KLF12: variants seen among roughly 807,000 people sequenced by gnomAD.
KLF12 encodes the protein Krueppel-like factor 12.
KLF12 carries 9 observed loss-of-function variants against 37.8 expected under a neutral mutation model. The observed-to-expected ratio is 0.24, with a 90% CI of 0.14 to 0.42. KLF12 has a LOEUF of 0.42. Ranked by LOEUF, KLF12 falls within the 10% of genes least tolerant of loss-of-function variation. The pLI is 1.00. For synonymous variants in KLF12, 208 were observed against 202.1 expected (o/e 1.03, Z -0.25); for missense variants, 411 against 516.0 (o/e 0.80, Z 1.97).
At chr13:73,832,240 C>T (rs748451562) in intron 4 of KLF12, among the ~76,000 whole-genome samples, 11 of 152,282 alleles carry the variant, frequency 7.2e-5, no homozygotes, top group Non-Finnish European at 1.3e-4. Flanking sequence ...ATTATTTACT[C>T]TTTTCCTGGT....
intron 1 of KLF12, among the ~76,000 whole-genome samples, chr13:74,071,990 T>C (rs552540601): frequency 6.6e-6 from 1 of 151,896 alleles, no homozygotes; most frequent in Non-Finnish European, 1.5e-5. Flanking sequence ...CCTGAACAAC[T>C]GGACAATCTA....
At chr13:73,988,126 A>T (rs1228247685) in intron 2 of KLF12, among the ~76,000 whole-genome samples, 1 of 152,250 alleles carries the variant, frequency 6.6e-6, no homozygotes, top group Non-Finnish European at 1.5e-5. Flanking sequence ...ATCATTGATT[A>T]TCACACATTT....
the KLF12 span, among the ~76,000 whole-genome samples, chr13:74,294,716 G>T: frequency 6.6e-6 from 1 of 152,002 alleles, no homozygotes; most frequent in Non-Finnish European, 1.5e-5. Context: ...TTGTTCTGAG[G>T]TATATTCACA....
At chr13:73,889,901 T>G (rs528700917) in intron 3 of KLF12, among the ~76,000 whole-genome samples, 1 of 152,238 alleles carries the variant, frequency 6.6e-6, no homozygotes, top group African/African-American at 2.4e-5. Context: ...ACAAAGTAGT[T>G]CTGCATTTTT....
intron 4 of KLF12, among the ~76,000 whole-genome samples, chr13:73,845,591 G>A (rs963080604): frequency 2.0e-5 from 3 of 152,112 alleles, no homozygotes; most frequent in African/African-American, 7.2e-5. Context: ...CTAACATTAC[G>A]TGACCTATGG....
intron 6 of KLF12, among the ~76,000 whole-genome samples, chr13:73,747,198 C>CTAAG (rs1273779166): frequency 3.9e-5 from 6 of 152,020 alleles, no homozygotes; most frequent in African/African-American, 1.4e-4. Context: ...GACTTATAGT[C>CTAAG]TAAGAGAGGC....
chr13:73,800,429 G>GA (rs1882224319), intron 5 of KLF12: 1 of 152,034 alleles, frequency 6.6e-6, no homozygotes, highest in Non-Finnish European at 1.5e-5. Flanking sequence ...AATTAGATTA[G>GA]AAAAACAGAT....
At chr13:74,030,603 A>G (rs1348179599) in intron 1 of KLF12, among the ~76,000 whole-genome samples, 3 of 152,114 alleles carry the variant, frequency 2.0e-5, no homozygotes, top group Non-Finnish European at 4.4e-5. Flanking sequence ...CCCCCATCCA[A>G]GAGAAAATAA....
rs1030579166 is a variant in KLF12, at chr13:73,988,325, T to C, written c.33+6665A>G. Among the ~76,000 whole-genome samples the C allele has an allele frequency of 3.3e-5, 5 of 152,270 alleles. 1 individual carries two copies. In the East Asian group the frequency reaches 9.6e-4, roughly 29 times the overall value. Reference sequence around the variant, plus strand: ...AATGTGAAGCCTTCCAGAACCCACATCCCAATTCCCTGGCTCTAATAAATA... The same window carrying C: ...AATGTGAAGCCTTCCAGAACCCACACCCCAATTCCCTGGCTCTAATAAATA... On this transcript the variant is annotated intron_variant, in intron 2 of 7. Coordinates refer to ENST00000377669, the MANE Select transcript of KLF12 (RefSeq NM_007249.5).
At chr13:74,047,859 G>C (rs1295647863) in intron 1 of KLF12, among the ~76,000 whole-genome samples, 1 of 152,154 alleles carries the variant, frequency 6.6e-6, no homozygotes, top group African/African-American at 2.4e-5. Flanking sequence ...TTTAAGATTA[G>C]GTTTGGCTGC....
chr13:73,841,868 A>G (rs4516090), intron 4 of KLF12, among the ~76,000 whole-genome samples: 62,954 of 151,900 alleles, frequency 0.41, 13,569 homozygotes, highest in Non-Finnish European at 0.49. Flanking sequence ...TCCTTGGGAG[A>G]CGTTTCCTGA....
At chr13:73,864,978 G>A (rs1233363630) in intron 3 of KLF12, among the ~76,000 whole-genome samples, 1 of 151,986 alleles carries the variant, frequency 6.6e-6, no homozygotes, top group Non-Finnish European at 1.5e-5. Flanking sequence ...CAGGTATAAG[G>A]AAGTCTGACA....
At chr13:73,840,789 C>T (rs1240642677) in intron 4 of KLF12, among the ~76,000 whole-genome samples, 5 of 152,108 alleles carry the variant, frequency 3.3e-5, no homozygotes, top group African/African-American at 1.2e-4. Flanking sequence ...TACAGCATTG[C>T]CTTGAGAACC....
the KLF12 span, among the ~76,000 whole-genome samples, chr13:74,302,034 T>C: frequency 1.3e-5 from 2 of 152,142 alleles, no homozygotes; most frequent in East Asian, 1.9e-4. Flanking sequence ...AAAAGATCTA[T>C]CTGTGAAGGA....
At chr13:73,730,903 A>G (rs1263748001) in intron 6 of KLF12, among the ~76,000 whole-genome samples, 1 of 152,162 alleles carries the variant, frequency 6.6e-6, no homozygotes, top group Non-Finnish European at 1.5e-5. Context: ...TTCAATGTGT[A>G]GGTCCTGGAA....
At chr13:73,742,175 G>A (rs890963826) in intron 6 of KLF12, among the ~76,000 whole-genome samples, 2 of 152,044 alleles carry the variant, frequency 1.3e-5, no homozygotes, top group Non-Finnish European at 2.9e-5. Context: ...AAAAGCAAAG[G>A]GCAGCGCTTA....
At chr13:73,829,638 C>T (rs914099226) in intron 4 of KLF12, among the ~76,000 whole-genome samples, 2 of 152,154 alleles carry the variant, frequency 1.3e-5, no homozygotes, top group African/African-American at 4.8e-5. Flanking sequence ...CAGATGGACA[C>T]TGCATTCTGA....
At chr13:73,740,211 T>C (rs937455288) in intron 6 of KLF12, among the ~76,000 whole-genome samples, 6 of 152,182 alleles carry the variant, frequency 3.9e-5, no homozygotes, top group Non-Finnish European at 8.8e-5. Context: ...ATTAGTGCCC[T>C]TATAAAAGAG....
chr13:74,285,817 A>G, the KLF12 span, among the ~76,000 whole-genome samples: 1 of 152,162 alleles, frequency 6.6e-6, no homozygotes, highest in African/African-American at 2.4e-5. Flanking sequence ...AGTGCACCTA[A>G]TCATGCTTTG....
Sources: allele counts gnomAD v4.1 joint callset (sites outside exome capture counted in the v4.1 genomes callset), GRCh38; gene constraint gnomAD v4.1.1; transcripts MANE v1.5; gene names NCBI Gene and HGNC (gene_info 2026-07-23, HGNC 2026-07-21).